EED: variants seen among roughly 807,000 people sequenced by gnomAD.
EED encodes the protein polycomb protein EED.
In EED, 9 loss-of-function variants were observed where a neutral mutation model predicts 61.0. The ratio of observed to expected loss-of-function variants is 0.15; its 90% confidence interval spans 0.09 to 0.26. EED has a LOEUF of 0.26. Ranked by LOEUF, EED falls within the 10% of genes least tolerant of loss-of-function variation. The probability of loss-of-function intolerance (pLI) is 1.00; values close to 1 mark genes in which losing one functional copy is unlikely to be tolerated. For missense variants in EED, 315 were observed against 542.3 expected (o/e 0.58, Z 4.16); for synonymous variants, 187 against 174.4 (o/e 1.07, Z -0.57).
intron 10 of EED, 111 bp from the exon 11 acceptor site, chr11:86,277,807 A>C (rs921704316): frequency 2.0e-6 from 2 of 989,394 alleles, no homozygotes; most frequent in Non-Finnish European, 2.8e-6. Context: ...AAGAGCACAG[A>C]GGCTGGAACT....
intron 6 of EED, among the ~76,000 whole-genome samples, chr11:86,259,743 A>G (rs2138174045): frequency 6.6e-6 from 1 of 152,364 alleles, no homozygotes; most frequent in South Asian, 2.1e-4. Context: ...TGAGCACATG[A>G]AAAGATGTTT....
At chr11:86,256,857 G>A (rs1945688040) in intron 5 of EED, among the ~76,000 whole-genome samples, 1 of 152,154 alleles carries the variant, frequency 6.6e-6, no homozygotes, top group African/African-American at 2.4e-5. Flanking sequence ...AAGGGACCTT[G>A]TAACGAACAT....
At chr11:86,272,700 GAATTGTCTCTTTTTTCATTACATAATC>G (rs1396394295) in intron 9 of EED, among the ~76,000 whole-genome samples, 1 of 152,036 alleles carries the variant, frequency 6.6e-6, no homozygotes, top group East Asian at 1.9e-4. Context: ...TATGTCTTTG[GAATTGTCTCTTTTTTCATTACATAATC>G]TTTTTTCAAA....
chr11:86,261,132 G>A (rs886974750), intron 6 of EED, among the ~76,000 whole-genome samples: 2 of 152,168 alleles, frequency 1.3e-5, no homozygotes. Context: ...CTCAAGGCAG[G>A]ATTCCTGCTG....
chr11:86,264,273 A>G lies in EED; in HGVS notation c.726+10A>G. 6.2e-7 allele frequency: 1 copy of G among 1,602,864 alleles called. No individual in the cohort carries two copies. Among genetic ancestry groups the G allele is most frequent in the African/African-American group, 1.3e-5 (1 of 74,786 alleles). On this transcript the variant is annotated intron_variant, in intron 7 of 11. Coordinates refer to ENST00000263360, the MANE Select transcript of EED (RefSeq NM_003797.5). Reference sequence around the variant, plus strand: ...TGAAGTTCTAAGTGCTGTAAGTTGGAAACTGCAGGGCAATGACTTTCAGGT... The same window carrying G: ...TGAAGTTCTAAGTGCTGTAAGTTGGGAACTGCAGGGCAATGACTTTCAGGT...
chr11:86,276,690 C>G (rs900438981), intron 9 of EED: 4 of 211,436 alleles, frequency 1.9e-5, no homozygotes, highest in Admixed American at 5.7e-5. Flanking sequence ...GTCAGAGTAT[C>G]TAGAGCTGAA....
At chr11:86,263,473 A>G (rs990859362) in intron 6 of EED, among the ~76,000 whole-genome samples, 1 of 152,208 alleles carries the variant, frequency 6.6e-6, no homozygotes, top group Non-Finnish European at 1.5e-5. Context: ...TTGTGCTGCT[A>G]TAACACAATA....
At chr11:86,249,343 A>C (rs554618339) in intron 1 of EED, among the ~76,000 whole-genome samples, 1 of 151,934 alleles carries the variant, frequency 6.6e-6, no homozygotes, top group Admixed American at 6.6e-5. Context: ...ATAGCCCCTA[A>C]AGCAGTGTTT....
chr11:86,285,219 A>G, the EED span, among the ~76,000 whole-genome samples: 1 of 152,312 alleles, frequency 6.6e-6, no homozygotes, highest in South Asian at 2.1e-4. Flanking sequence ...CAGGAGTTTG[A>G]GACCACCCTA....
At position 86,278,659 on chromosome 11, in the gene EED, T is replaced by A; in HGVS notation, c.*134T>A. 1 of 1,156,022 alleles carries A rather than the reference T, an allele frequency of 8.7e-7. No individual in the cohort carries two copies. Among genetic ancestry groups the A allele is most frequent in the Non-Finnish European group, 1.2e-6 (1 of 842,536 alleles). 71.6% of individuals were successfully genotyped at this position (1,156,022 alleles called of 1,614,324 possible). ...TTCAATCAGGCTGAGCTGAATGTAG[T>A]GATGTTTACATTGTTTACATTCTTT... On this transcript the variant is annotated 3_prime_UTR_variant, in exon 12 of 12. Coordinates refer to ENST00000263360, the MANE Select transcript of EED (RefSeq NM_003797.5).
At chr11:86,287,169 G>A in the EED span, among the ~76,000 whole-genome samples, 3 of 151,618 alleles carry the variant, frequency 2.0e-5, no homozygotes, top group Non-Finnish European at 4.4e-5. Flanking sequence ...ATCTCAGCCT[G>A]CAGTGTGAAA....
chr11:86,262,961 G>A (rs1298387217), intron 6 of EED, among the ~76,000 whole-genome samples: 6 of 151,840 alleles, frequency 4.0e-5, no homozygotes, highest in Admixed American at 3.3e-4. Flanking sequence ...GCAGGTACAC[G>A]CCACCACACC....
intron 1 of EED, 114 bp downstream of exon 1, chr11:86,245,457 A>T (rs548571667): frequency 2.3e-6 from 2 of 869,466 alleles, no homozygotes; most frequent in Non-Finnish European, 3.6e-6. Context: ...GGTGTCACTC[A>T]GGAAAACGCG....
rs139598551 is a variant in EED, at chr11:86,270,995, A to G, written c.966+2434A>G. Among the ~76,000 whole-genome samples the G allele has an allele frequency of 8.1e-3, 1,236 of 152,146 alleles. 10 individuals are homozygous for G. The highest frequency in any genetic ancestry group is 0.015 in the South Asian group (71 of 4,816). On this transcript the variant is annotated intron_variant, in intron 9 of 11. Coordinates refer to ENST00000263360, the MANE Select transcript of EED (RefSeq NM_003797.5). ...TTTCATAATTGTTTTGAGCTATTCT[A>G]ATTCCTTTGTCTTTCTGTGTGTAAA...
In EED at chr11:86,266,065, T is replaced by G. The variant is rs772462856; in HGVS notation, c.727-18T>G. 1.3e-6 allele frequency: 2 copies of G among 1,562,712 alleles called. No individual in the cohort carries two copies. Among genetic ancestry groups the G allele is most frequent in the African/African-American group, 1.4e-5 (1 of 72,092 alleles). ...TTGGAGCTGTAATTTATATAAAACTTTTTGGTTTTGCATACAGGATTATGA... is the reference window on the plus strand; with the variant it reads ...TTGGAGCTGTAATTTATATAAAACTGTTTGGTTTTGCATACAGGATTATGA... On this transcript the variant is annotated intron_variant, in intron 7 of 11. Coordinates refer to ENST00000263360, the MANE Select transcript of EED (RefSeq NM_003797.5).
At chr11:86,257,231 T>A (rs1945701820) in intron 5 of EED, among the ~76,000 whole-genome samples, 2 of 150,304 alleles carry the variant, frequency 1.3e-5, no homozygotes, top group African/African-American at 5.0e-5. Context: ...GAAGATAGGG[T>A]CTTGCTGCAT....
chr11:86,276,985 T>C lies in EED; in HGVS notation c.972T>C (p.Cys324=). 6.6e-7 allele frequency: 1 copy of C among 1,518,966 alleles called. No homozygotes were observed. Among genetic ancestry groups the C allele is most frequent in the Non-Finnish European group, 8.9e-7 (1 of 1,121,660 alleles). The allele number at this position is 1,518,966 out of a possible 1,614,324, so 94.1% of individuals were successfully genotyped here. Residue 324 remains cysteine (C), a synonymous_variant, in exon 10 of 12, where the codon TGT becomes TGC. Transcript: ENST00000263360. Reference sequence around the variant, plus strand: ...CATTTCTCTCTCTGTTTTAGTCTTGTGAAAATGCCATTGTGTGCTGGAAAC... The same window carrying C: ...CATTTCTCTCTCTGTTTTAGTCTTGCGAAAATGCCATTGTGTGCTGGAAAC... ...WLGDLILSKS[C]ENAIVCWKPG... is the part of the protein sequence containing the mutation.
At chr11:86,278,088 T>G (rs1297684858) in intron 11 of EED, 97 bp downstream of exon 11, 1 of 1,382,620 alleles carries the variant, frequency 7.2e-7, no homozygotes, top group Non-Finnish European at 9.4e-7. Context: ...GTGCCATCCT[T>G]AAGTCATTTT....
chr11:86,245,555 A>C (rs1221651609), intron 1 of EED, among the ~76,000 whole-genome samples: 2 of 151,616 alleles, frequency 1.3e-5, no homozygotes, highest in African/African-American at 4.8e-5. Context: ...GAGTGGTTCT[A>C]GTGATTGCGT....
Sources: allele counts gnomAD v4.1 joint callset (sites outside exome capture counted in the v4.1 genomes callset), GRCh38; gene constraint gnomAD v4.1.1; transcripts MANE v1.5; gene names NCBI Gene and HGNC (gene_info 2026-07-23, HGNC 2026-07-21).